The following PLXDC1 variants were observed in gnomAD, a reference collection of about 807,000 sequenced individuals.
The protein encoded by PLXDC1 is plexin domain-containing protein 1.
PLXDC1 carries 39 observed loss-of-function variants against 61.3 expected under a neutral mutation model. The ratio of observed to expected loss-of-function variants is 0.64; its 90% confidence interval spans 0.49 to 0.83. The LOEUF is 0.83. Among genes scored for constraint, PLXDC1 ranks in the 40% least tolerant of loss-of-function variants. PLXDC1 has a pLI of 0.00. For synonymous variants in PLXDC1, 212 were observed against 254.5 expected (o/e 0.83, Z 1.59); for missense variants, 596 against 666.5 (o/e 0.89, Z 1.17).
chr17:39,096,044 G>T (rs1370853512), intron 7 of PLXDC1, among the ~76,000 whole-genome samples: 1 of 152,228 alleles, frequency 6.6e-6, no homozygotes, highest in African/African-American at 2.4e-5. Flanking sequence ...ATGGGAGAGT[G>T]CTGGCTTGGC....
chr17:39,102,705 TACACACACACACACAC>T (rs553513409), intron 7 of PLXDC1, among the ~76,000 whole-genome samples: 1 of 136,056 alleles, frequency 7.3e-6, no homozygotes, highest in Non-Finnish European at 1.6e-5. Context: ...TGCTATCAAA[TACACACACACACACAC>T]ACACACACAC....
intron 11 of PLXDC1, 95 bp downstream of exon 11, chr17:39,077,818 A>G (rs2143328635): frequency 2.5e-6 from 3 of 1,210,846 alleles, no homozygotes; most frequent in Non-Finnish European, 2.4e-6. Flanking sequence ...ATCCCATGAG[A>G]TCATCCCTGT....
intron 1 of PLXDC1, among the ~76,000 whole-genome samples, chr17:39,142,386 G>T (rs1042790844): frequency 6.6e-6 from 1 of 152,226 alleles, no homozygotes; most frequent in African/African-American, 2.4e-5. Flanking sequence ...AGATCAATAA[G>T]CAATGTCTGC....
chr17:39,075,955 G>A (rs547647384), intron 11 of PLXDC1, among the ~76,000 whole-genome samples: 3 of 152,202 alleles, frequency 2.0e-5, no homozygotes, highest in Non-Finnish European at 2.9e-5. Context: ...GTGTGCACCT[G>A]TAGTCCCAGC....
At chr17:39,139,513 G>T (rs1459546819) in intron 2 of PLXDC1, 141 bp downstream of exon 2, 39 of 739,062 alleles carry the variant, frequency 5.3e-5, no homozygotes, top group Non-Finnish European at 7.6e-5. Flanking sequence ...CCCCTCCCCG[G>T]GGATTCTTCT....
At chr17:39,079,036 C>T in intron 10 of PLXDC1, 68 bp downstream of exon 10, 1 of 1,242,554 alleles carries the variant, frequency 8.0e-7, no homozygotes. Flanking sequence ...AGGGGCAGGC[C>T]CTACTGGCTG....
At chr17:39,125,019 A>G (rs1911274480) in intron 2 of PLXDC1, among the ~76,000 whole-genome samples, 1 of 152,118 alleles carries the variant, frequency 6.6e-6, no homozygotes, top group African/African-American at 2.4e-5. Flanking sequence ...GTCTCACCCT[A>G]TCAGCCAGGC....
chr17:39,131,354 C>CTT (rs1166113173), intron 2 of PLXDC1, among the ~76,000 whole-genome samples: 1 of 130,750 alleles, frequency 7.6e-6, no homozygotes. Context: ...CTCTCTTTTT[C>CTT]TTTTCTTTTT....
chr17:39,149,667 G>A (rs1417002982), intron 1 of PLXDC1, among the ~76,000 whole-genome samples: 3 of 152,122 alleles, frequency 2.0e-5, no homozygotes, highest in Non-Finnish European at 4.4e-5. Flanking sequence ...CTCCTCAACC[G>A]TCTACTACCC....
In PLXDC1 at chr17:39,151,602, G is replaced by A. The variant is rs988900464; in HGVS notation, c.-165C>T. ...GGGCGAGCCGGCAGGAGCGGCGAGAGCGCGAGCGGAGCTGGAGGCTGCGGC... is the reference window on the plus strand; with the variant it reads ...GGGCGAGCCGGCAGGAGCGGCGAGAACGCGAGCGGAGCTGGAGGCTGCGGC... On this transcript the variant is annotated 5_prime_UTR_variant, in exon 1 of 14. Coordinates refer to ENST00000315392, the MANE Select transcript of PLXDC1 (RefSeq NM_020405.5). The surrounding 1 kb of genome is among the most constrained non-coding windows in gnomAD (Gnocchi z 5.2). 53 of 1,147,132 alleles carry A rather than the reference G, an allele frequency of 4.6e-5. No individual in the cohort carries two copies. In the Middle Eastern group the frequency reaches 1.1e-3, roughly 23 times the overall value. The allele number at this position is 1,147,132 out of a possible 1,614,324, so 71.1% of individuals were successfully genotyped here.
chr17:39,096,882 T>C, intron 7 of PLXDC1: 1 of 471,198 alleles, frequency 2.1e-6, no homozygotes, highest in Non-Finnish European at 4.4e-6. Context: ...TACACTGTCC[T>C]GTGTGTTTTG....
intron 7 of PLXDC1, among the ~76,000 whole-genome samples, chr17:39,092,864 A>G (rs1019970246): frequency 1.3e-5 from 2 of 152,062 alleles, no homozygotes; most frequent in Non-Finnish European, 2.9e-5. Flanking sequence ...CGTTGTTGCC[A>G]ATTTCTGTGG....
chr17:39,127,208 C>A (rs997908108), intron 2 of PLXDC1, among the ~76,000 whole-genome samples: 1 of 152,112 alleles, frequency 6.6e-6, no homozygotes, highest in Non-Finnish European at 1.5e-5. Flanking sequence ...GATGAGGAAA[C>A]AGGTTTAGAG....
chr17:39,079,177 CA>C lies in PLXDC1; in HGVS notation c.990-14del. The C allele has an allele frequency of 1.2e-6, 2 of 1,610,736 alleles. No individual in the cohort carries two copies. On this transcript the variant is annotated splice_polypyrimidine_tract_variant and intron_variant, in intron 9 of 13. Transcript: ENST00000315392. ...GCCACTGGAGCATCTGCAGGAGGACCAAAAGGACAGAGTTATGATGGGATTG... is the reference window on the plus strand; with the variant it reads ...GCCACTGGAGCATCTGCAGGAGGACCAAAGGACAGAGTTATGATGGGATTG...
intron 9 of PLXDC1, 59 bp downstream of exon 9, chr17:39,083,400 C>T: frequency 7.2e-7 from 1 of 1,386,614 alleles, no homozygotes; most frequent in South Asian, 1.2e-5. Flanking sequence ...GGGGCCATGC[C>T]ACCCTCTTCC....
intron 11 of PLXDC1, 69 bp downstream of exon 11, chr17:39,077,844 G>T: frequency 6.5e-7 from 1 of 1,542,552 alleles, no homozygotes; most frequent in East Asian, 2.3e-5. Flanking sequence ...ACAGAGAGGG[G>T]GCCCCAGAGG....
chr17:39,078,816 A>G (rs998505772), intron 10 of PLXDC1, among the ~76,000 whole-genome samples: 1 of 152,218 alleles, frequency 6.6e-6, no homozygotes, highest in African/African-American at 2.4e-5. Context: ...GGCTGAGGCC[A>G]TGCCCAACAT....
At chr17:39,143,086 C>T (rs140168464) in intron 1 of PLXDC1, among the ~76,000 whole-genome samples, 1 of 152,062 alleles carries the variant, frequency 6.6e-6, no homozygotes, top group Non-Finnish European at 1.5e-5. Context: ...TGCAGTGAGC[C>T]GAGATTGCGC....
intron 9 of PLXDC1, chr17:39,079,836 A>T (rs948126173): frequency 6.5e-6 from 2 of 307,566 alleles, no homozygotes; most frequent in African/African-American, 2.2e-5. Context: ...AAGCCCAGGG[A>T]TGTCTGCATG....
Sources: gnomAD v4.1 joint callset for allele counts (sites outside exome capture counted in the v4.1 genomes callset) on GRCh38, gnomAD v4.1.1 for gene constraint, Gnocchi (gnomAD v3.1) non-coding constraint, MANE v1.5 for transcripts, NCBI Gene and HGNC (gene_info 2026-07-23, HGNC 2026-07-21) for gene names.